FSAF1: variants seen among roughly 807,000 people sequenced by gnomAD.
The protein encoded by FSAF1 is 40S small subunit processome assembly factor 1.
the FSAF1 span, chr1:231,224,226 G>A: frequency 6.4e-7 from 1 of 1,567,948 alleles, no homozygotes; most frequent in Non-Finnish European, 8.6e-7. Context: ...AGGGTCCAGG[G>A]CCGCTGCAGT....
the FSAF1 span, among the ~76,000 whole-genome samples, chr1:231,235,720 T>A: frequency 6.6e-6 from 1 of 152,150 alleles, no homozygotes; most frequent in African/African-American, 2.4e-5. Flanking sequence ...GGAGGATGGC[T>A]TGGGCCCAGG....
the FSAF1 span, chr1:231,229,211 TGA>T: frequency 6.4e-7 from 1 of 1,568,866 alleles, no homozygotes; most frequent in Non-Finnish European, 8.7e-7. Context: ...ATTAGCCTGC[TGA>T]GAGAAAAAAT....
the FSAF1 span, among the ~76,000 whole-genome samples, chr1:231,231,559 G>A: frequency 6.6e-6 from 1 of 152,140 alleles, no homozygotes; most frequent in African/African-American, 2.4e-5. Context: ...GAGTGCAGTG[G>A]CGCGAGGCAC....
At chr1:231,239,380 T>C in the FSAF1 span, among the ~76,000 whole-genome samples, 1 of 152,238 alleles carries the variant, frequency 6.6e-6, no homozygotes, top group African/African-American at 2.4e-5. Flanking sequence ...TGTAGTCATC[T>C]TTTCCTAGGT....
At chr1:231,233,893 A>G in the FSAF1 span, among the ~76,000 whole-genome samples, 1 of 152,238 alleles carries the variant, frequency 6.6e-6, no homozygotes, top group Non-Finnish European at 1.5e-5. Flanking sequence ...TTTTTCTGCC[A>G]AATAAATCTG....
At chr1:231,232,526 G>A in the FSAF1 span, among the ~76,000 whole-genome samples, 1 of 152,290 alleles carries the variant, frequency 6.6e-6, no homozygotes. Context: ...TGCAAATCCC[G>A]ATGGCCATGT....
At chr1:231,224,186 G>A in the FSAF1 span, 29 of 1,345,462 alleles carry the variant, frequency 2.2e-5, 1 homozygote, top group Middle Eastern at 3.8e-4. Flanking sequence ...TGTGAAATGC[G>A]TGTTAAGAAC....
At chr1:231,228,911 C>T in the FSAF1 span, among the ~76,000 whole-genome samples, 1 of 152,154 alleles carries the variant, frequency 6.6e-6, no homozygotes, top group Non-Finnish European at 1.5e-5. Flanking sequence ...ATCACTTGAA[C>T]CCAAGAGGCA....
chr1:231,237,035 C>G, the FSAF1 span: 18 of 151,368 alleles, frequency 1.2e-4, no homozygotes, highest in Non-Finnish European at 2.5e-4. Flanking sequence ...CGCTCTGTCA[C>G]CCCCGCTGGA....
chr1:231,241,125 G>A, the FSAF1 span: 31 of 1,613,016 alleles, frequency 1.9e-5, no homozygotes, highest in Admixed American at 2.2e-4. Context: ...GGGGTCAGCC[G>A]AGGAATCAAC....
At chr1:231,228,451 T>C in the FSAF1 span, among the ~76,000 whole-genome samples, 1 of 151,910 alleles carries the variant, frequency 6.6e-6, no homozygotes, top group Non-Finnish European at 1.5e-5. Context: ...ATACAAAAAT[T>C]AGCTGGGTGT....
At chr1:231,228,598 CAAAA>C in the FSAF1 span, among the ~76,000 whole-genome samples, 5 of 102,934 alleles carry the variant, frequency 4.9e-5, no homozygotes, top group Admixed American at 1.0e-4. Context: ...GACTCTGCCT[CAAAA>C]AAAAAAAAAA....
At chr1:231,227,222 T>C in the FSAF1 span, among the ~76,000 whole-genome samples, 3 of 152,210 alleles carry the variant, frequency 2.0e-5, no homozygotes, top group Non-Finnish European at 2.9e-5. Flanking sequence ...AGGAGCTCTA[T>C]GGAGGCTCTC....
chr1:231,230,694 C>T, the FSAF1 span, among the ~76,000 whole-genome samples: 205 of 152,292 alleles, frequency 1.3e-3, 3 homozygotes, highest in African/African-American at 4.8e-3. Flanking sequence ...CACCCCAGCC[C>T]CCACCACTGT....
chr1:231,228,224 C>T, the FSAF1 span, among the ~76,000 whole-genome samples: 6 of 152,306 alleles, frequency 3.9e-5, no homozygotes, highest in East Asian at 9.7e-4. Flanking sequence ...ACAGAATATA[C>T]ATATCCCCAT....
the FSAF1 span, chr1:231,229,026 C>G: frequency 1.7e-6 from 1 of 584,612 alleles, no homozygotes; most frequent in Non-Finnish European, 2.9e-6. Flanking sequence ...TACCTAACAT[C>G]TATACTACAT....
At chr1:231,235,437 T>C in the FSAF1 span, among the ~76,000 whole-genome samples, 1 of 150,662 alleles carries the variant, frequency 6.6e-6, no homozygotes, top group Admixed American at 6.6e-5. Flanking sequence ...GCGGAGGTTG[T>C]AGTGAGCTGA....
the FSAF1 span, chr1:231,241,167 G>T: frequency 5.5e-5 from 87 of 1,595,408 alleles, no homozygotes; most frequent in Non-Finnish European, 7.4e-5. Context: ...CCCCGCTTCC[G>T]GGTTCCGCGA....
chr1:231,226,995 CG>C, the FSAF1 span: 1 of 1,614,192 alleles, frequency 6.2e-7, no homozygotes, highest in Non-Finnish European at 8.5e-7. Flanking sequence ...CATAATGGCA[CG>C]TTCCTGTTCC....
Sources: allele counts gnomAD v4.1 joint callset (sites outside exome capture counted in the v4.1 genomes callset), GRCh38; gene constraint gnomAD v4.1.1; transcripts MANE v1.5; gene names NCBI Gene and HGNC (gene_info 2026-07-23, HGNC 2026-07-21).